The following RORA variants were observed in gnomAD, a reference collection of about 807,000 sequenced individuals.
RORA encodes RAR related orphan receptor A.
Under a neutral mutation model 69.5 loss-of-function variants are expected in RORA, and 7 were observed. The ratio of observed to expected loss-of-function variants is 0.10; its 90% CI spans 0.06 to 0.19. The LOEUF is 0.19. Among genes scored for constraint, RORA ranks in the 10% least tolerant of loss-of-function variants. The pLI is 1.00. For synonymous variants in RORA, 261 were observed against 240.8 expected (o/e 1.08, Z -0.78); for missense variants, 457 against 663.0 (o/e 0.69, Z 3.41).
chr15:61,023,124 G>T (rs1321826620), intron 1 of RORA, among the ~76,000 whole-genome samples: 2 of 137,498 alleles, frequency 1.5e-5, no homozygotes, highest in African/African-American at 5.3e-5. Context: ...GGAGGCAGAG[G>T]TTGCAGTGAG....
intron 1 of RORA, among the ~76,000 whole-genome samples, chr15:61,033,286 A>G (rs957248014): frequency 2.0e-5 from 3 of 152,188 alleles, no homozygotes; most frequent in African/African-American, 7.2e-5. Flanking sequence ...GTTTTCCTTT[A>G]GTCCAAATGT....
At chr15:61,006,205 G>C (rs902100770) in intron 1 of RORA, among the ~76,000 whole-genome samples, 2 of 151,952 alleles carry the variant, frequency 1.3e-5, no homozygotes, top group Admixed American at 6.6e-5. Context: ...TTGACTTCGT[G>C]ATCTGCCCAC....
At chr15:61,058,455 A>G (rs1041195141) in intron 1 of RORA, among the ~76,000 whole-genome samples, 2 of 152,156 alleles carry the variant, frequency 1.3e-5, no homozygotes, top group East Asian at 1.9e-4. Context: ...GGGGTGAAGA[A>G]ATCAGCTTAG....
At chr15:60,567,620 A>G (rs1328082617) in intron 2 of RORA, among the ~76,000 whole-genome samples, 1 of 152,080 alleles carries the variant, frequency 6.6e-6, no homozygotes, top group Non-Finnish European at 1.5e-5. Flanking sequence ...CATGTTGGCC[A>G]GGCTGGTCTG....
At chr15:60,748,189 T>C (rs1042281737) in intron 1 of RORA, among the ~76,000 whole-genome samples, 100 of 152,218 alleles carry the variant, frequency 6.6e-4, no homozygotes, top group African/African-American at 2.3e-3. Flanking sequence ...ATTTTAAGTA[T>C]GGACATAAAT....
intron 1 of RORA, among the ~76,000 whole-genome samples, chr15:60,825,269 C>T (rs2072941393): frequency 6.6e-6 from 1 of 152,302 alleles, no homozygotes; most frequent in East Asian, 1.9e-4. Flanking sequence ...ATGCTAAGTA[C>T]TTCTATGTTC....
chr15:60,633,940 T>A (rs1446112946), intron 2 of RORA, among the ~76,000 whole-genome samples: 6 of 152,240 alleles, frequency 3.9e-5, no homozygotes, highest in Non-Finnish European at 7.3e-5. Context: ...ATGCAAGGTA[T>A]TATGTACCAA....
intron 2 of RORA, among the ~76,000 whole-genome samples, chr15:60,559,639 A>G (rs2067474430): frequency 1.3e-5 from 2 of 152,228 alleles, no homozygotes; most frequent in Admixed American, 1.3e-4. Flanking sequence ...TAGGAAGGCA[A>G]AAAAGGTAAT....
intron 1 of RORA, among the ~76,000 whole-genome samples, chr15:60,958,530 C>T (rs988696642): frequency 3.9e-5 from 6 of 152,026 alleles, no homozygotes; most frequent in African/African-American, 1.2e-4. Context: ...TCGATTATAC[C>T]CAATCTTCCC....
intron 1 of RORA, among the ~76,000 whole-genome samples, chr15:60,774,846 G>A (rs1437216779): frequency 2.0e-5 from 3 of 152,194 alleles, no homozygotes; most frequent in Non-Finnish European, 4.4e-5. Context: ...GCATAACCAT[G>A]TTCCTTAGAT....
intron 1 of RORA, among the ~76,000 whole-genome samples, chr15:61,018,810 C>T (rs1324876256): frequency 6.6e-6 from 1 of 152,150 alleles, no homozygotes; most frequent in Non-Finnish European, 1.5e-5. Context: ...AACAGACACA[C>T]ATCCTCATAA....
At chr15:60,891,634 C>T (rs2073813789) in intron 1 of RORA, among the ~76,000 whole-genome samples, 1 of 152,172 alleles carries the variant, frequency 6.6e-6, no homozygotes, top group Non-Finnish European at 1.5e-5. Context: ...GTGAACTGCA[C>T]CTCCAAAGCC....
At chr15:61,086,042 A>C (rs2078620023) in intron 1 of RORA, among the ~76,000 whole-genome samples, 1 of 152,258 alleles carries the variant, frequency 6.6e-6, no homozygotes. Context: ...AGTCTCACAC[A>C]TTGTGTAAAG....
At chr15:61,051,290 A>G (rs1286001642) in intron 1 of RORA, among the ~76,000 whole-genome samples, 1 of 152,132 alleles carries the variant, frequency 6.6e-6, no homozygotes, top group African/African-American at 2.4e-5. Context: ...GGAACAGCAG[A>G]AAGTAGGGGC....
At chr15:60,744,064 A>T (rs2071614492) in intron 1 of RORA, among the ~76,000 whole-genome samples, 1 of 151,956 alleles carries the variant, frequency 6.6e-6, no homozygotes, top group South Asian at 2.1e-4. Flanking sequence ...GGGTTGAAAA[A>T]AAAAAGTTCT....
At chr15:60,875,289 G>T (rs1056250111) in intron 1 of RORA, among the ~76,000 whole-genome samples, 1 of 152,286 alleles carries the variant, frequency 6.6e-6, no homozygotes, top group African/African-American at 2.4e-5. Context: ...CTTCAACTAT[G>T]CCCTCAAGGA....
chr15:61,183,847 T>C (rs1204356264), intron 1 of RORA, among the ~76,000 whole-genome samples: 1 of 152,114 alleles, frequency 6.6e-6, no homozygotes, highest in African/African-American at 2.4e-5. Flanking sequence ...TTACAATCAA[T>C]AGTCTCATGT....
rs76271032 is a variant in RORA, at chr15:60,925,838, C to T, written c.167-247152G>A. ...GACAGTGCCTGTAATAATGCAGGTA[C>T]TTTGAAGTATCTGTTGAAGGAATGG... On this transcript the variant is annotated intron_variant, in intron 1 of 10. Transcript: ENST00000335670. Among the ~76,000 whole-genome samples the T allele has an allele frequency of 8.0e-3, 1,220 of 152,270 alleles. 22 individuals are homozygous for T. Among genetic ancestry groups the T allele is most frequent in the African/African-American group, 0.028 (1,170 of 41,546 alleles).
At chr15:61,069,381 C>G (rs2118327) in intron 1 of RORA, among the ~76,000 whole-genome samples, 1,800 of 152,134 alleles carry the variant, frequency 0.012, 33 homozygotes, top group African/African-American at 0.041. Context: ...GGGAGCTATG[C>G]CATCCCAAAG....
Sources: allele counts gnomAD v4.1 joint callset (sites outside exome capture counted in the v4.1 genomes callset), GRCh38; gene constraint gnomAD v4.1.1; transcripts MANE v1.5; gene names NCBI Gene and HGNC (gene_info 2026-07-23, HGNC 2026-07-21).